TNXB: variants seen among roughly 807,000 people sequenced by gnomAD.
TNXB encodes the protein tenascin-X.
TNXB carries 183 observed loss-of-function variants against 340.5 expected under a neutral mutation model. The ratio of observed to expected loss-of-function variants is 0.54; its 90% CI spans 0.48 to 0.61. The LOEUF (loss-of-function observed/expected upper bound fraction) is 0.61, where lower values mean the gene tolerates loss of function less well. TNXB is among the 20% of genes least tolerant of loss of function. The pLI, the probability that TNXB is intolerant of heterozygous loss-of-function variation, is 0.00. For synonymous variants in TNXB, 2,121 were observed against 2,314.5 expected, an observed-to-expected ratio of 0.92 and a Z score of 2.40; for missense variants, 4,613 against 5,446.4, an observed-to-expected ratio of 0.85 and a Z score of 4.82.
At chr6:32,053,036 G>A (rs982748406) in intron 25 of TNXB, 43 bp from the exon 26 acceptor site, 2 of 1,581,388 alleles carry the variant, frequency 1.3e-6, no homozygotes, top group South Asian at 1.1e-5. Context: ...TTCCCTGGGG[G>A]ATGTCCTTGG....
rs188085259 is a variant in TNXB at position 32,082,970 on chromosome 6, C to T, written c.3446-644G>A. ...CTAGCCTCCATCTTCCCTCTTTGCT[C>T]TCATTCCCAGCCCAGATTCCAGAAA... is the stretch of plus-strand genomic sequence containing the variant. On this transcript the variant is annotated intron_variant, in intron 8 of 43. Transcript: ENST00000644971. This position sits in a 1 kb window ranked among gnomAD's most constrained non-coding sequence, Gnocchi z 5.0. Among the ~76,000 whole-genome samples, 2 of 152,310 alleles carry T rather than the reference C, an allele frequency of 1.3e-5. No homozygotes were observed. The highest frequency in any genetic ancestry group is 3.9e-4 in the East Asian group (2 of 5,182).
In TNXB at chr6:32,083,138, G is replaced by C. The variant is rs1779574002; in HGVS notation, c.3446-812C>G. ...ATTCTGTGGACGCTCCGTAGCCCTT[G>C]AATCACTGTTCCGGAATCTGACAAG... On this transcript the variant is annotated intron_variant, in intron 8 of 43. Coordinates refer to ENST00000644971, the MANE Select transcript of TNXB (RefSeq NM_001365276.2). The surrounding 1 kb of genome is among the most constrained non-coding windows in gnomAD (Gnocchi z 4.6). Among the ~76,000 whole-genome samples the C allele has an allele frequency of 6.6e-6, 1 of 152,124 alleles. No individual in the cohort carries two copies.
chr6:32,058,044 C>T lies in TNXB; in HGVS notation c.7825+14G>A. ...GGGCTGTCTTCCAACCCTGCCCCAC[C>T]CACACTCACTCACCTGTGACGCCCA... On this transcript the variant is annotated intron_variant, in intron 22 of 43. Coordinates refer to ENST00000644971, the MANE Select transcript of TNXB (RefSeq NM_001365276.2). The surrounding 1 kb of genome is among the most constrained non-coding windows in gnomAD (Gnocchi z 5.1). 1.9e-6 allele frequency: 3 copies of T among 1,596,228 alleles called. No individual in the cohort carries two copies. The highest frequency in any genetic ancestry group is 2.6e-6 in the Non-Finnish European group (3 of 1,170,792).
At position 32,089,360 on chromosome 6, in the gene TNXB, G is replaced by T; in HGVS notation, c.2378C>A (p.Pro793Gln). 1 of 1,607,318 alleles carries T rather than the reference G, an allele frequency of 6.2e-7. No individual in the cohort carries two copies. Among genetic ancestry groups the T allele is most frequent in the South Asian group, 1.1e-5 (1 of 89,522 alleles). ...AGAGCTTGGAACCCGTGCTGTGAAT[G>T]GGGGGCTCGCCCCCTCTGTCTGTGA... is the stretch of plus-strand genomic sequence containing the variant. ...FIPTTEGASP[P>Q]FTARVPSSAS... is the part of the protein sequence containing the mutation. Residue 793 changes from proline (P) to glutamine (Q), a missense_variant, in exon 5 of 44, where the codon CCA (proline) becomes CAA (glutamine). Around this residue, in one of 7 missense-constraint regions of TNXB, gnomAD observed 4,327 missense variants for 4,859.4 expected, o/e 0.89. Transcript: ENST00000644971. This position sits in a 1 kb window ranked among gnomAD's most constrained non-coding sequence, Gnocchi z 6.2.
At position 32,065,018 on chromosome 6, in the gene TNXB, G is replaced by A; in HGVS notation, c.6644C>T (p.Thr2215Ile). 1 of 1,610,702 alleles carries A rather than the reference G, an allele frequency of 6.2e-7. No individual in the cohort carries two copies. The highest frequency in any genetic ancestry group is 8.5e-7 in the Non-Finnish European group (1 of 1,178,898). The change falls in exon 19 of 44, where the codon ACA becomes ATA. Residue 2215 changes from threonine (T) to isoleucine (I), a missense_variant. By Grantham distance (89) the Thr-to-Ile change is moderately conservative (BLOSUM62 -1). This residue lies in a region of TNXB where 4,327 missense variants were observed against 4,859.4 expected (regional missense o/e 0.89). Transcript: ENST00000644971. ...ATGGTCAAACTGGCCCTCGGGGACT[G>A]TCCAGGAGAGGCTGAGGGAGTCGGA... is the stretch of plus-strand genomic sequence containing the variant. Reference protein sequence around the residue: ...ITSDSLSLSWTVPEGQFDHFL... With the variant: ...ITSDSLSLSWIVPEGQFDHFL...
At position 32,095,750 on chromosome 6, in the gene TNXB, G is replaced by T; in HGVS notation, c.2103C>A (p.Gly701=). The T allele has an allele frequency of 6.2e-7, 1 of 1,613,874 alleles. No individual in the cohort carries two copies. Among genetic ancestry groups the T allele is most frequent in the Non-Finnish European group, 8.5e-7 (1 of 1,179,844 alleles). The part of the protein sequence containing the change: ...GCGPRELCRA[G]QCVCVEGFRG... ...GGAAGCCCTCTACACACACACACTG[G>T]CCTGCCCGGCACAGTTCCCGGGGCC... The change falls in exon 3 of 44, where the codon GGC becomes GGA. Residue 701 remains glycine (G), a synonymous_variant. Coordinates refer to ENST00000644971, the MANE Select transcript of TNXB (RefSeq NM_001365276.2).
chr6:32,068,023 G>A lies in TNXB; in HGVS notation c.6221-39C>T. ...AGAGAGAGTGAGGGGGATGTCCTTGGGTACTGGGGAAAAGGAGGGAGAAGC... is the reference window on the plus strand; with the variant it reads ...AGAGAGAGTGAGGGGGATGTCCTTGAGTACTGGGGAAAAGGAGGGAGAAGC... On this transcript the variant is annotated intron_variant, in intron 17 of 43. Transcript: ENST00000644971. This position sits in a 1 kb window ranked among gnomAD's most constrained non-coding sequence, Gnocchi z 5.3. The A allele has an allele frequency of 1.3e-6, 2 of 1,594,464 alleles. No individual in the cohort carries two copies. The highest frequency in any genetic ancestry group is 1.7e-6 in the Non-Finnish European group (2 of 1,168,770).
chr6:32,074,021 ATTTATTT>A lies in TNXB; in HGVS notation c.4376-76_4376-70del, dbSNP rs1396024445. The A allele has an allele frequency of 4.3e-5, 58 of 1,334,594 alleles. No individual in the cohort carries two copies. The highest frequency in any genetic ancestry group is 5.1e-5 in the East Asian group (2 of 39,106). 82.7% of individuals were successfully genotyped at this position (1,334,594 alleles called of 1,614,324 possible). ...TTTCTTATAGTAATGATGTCTAGTTATTTATTTTTTATTTTTTATTTTTGAGATGGAG... is the reference window on the plus strand; with the variant it reads ...TTTCTTATAGTAATGATGTCTAGTTATTTATTTTTTATTTTTGAGATGGAG... On this transcript the variant is annotated intron_variant, in intron 11 of 43. Transcript: ENST00000644971. The surrounding 1 kb of genome is among the most constrained non-coding windows in gnomAD (Gnocchi z 5.5).
Position 32,058,289 on chromosome 6 carries a change from C to T in TNXB, c.7594G>A (p.Gly2532Arg). ...EPLLGELTVTGSSPDSLSLSW... is the reference protein window; with the variant it reads ...EPLLGELTVTRSSPDSLSLSW... ...AGGCTCAGCGAGTCAGGGGAGGATCCTGTCACTGTCAGCTCCCCCAGGAGA... is the reference window on the plus strand; with the variant it reads ...AGGCTCAGCGAGTCAGGGGAGGATCTTGTCACTGTCAGCTCCCCCAGGAGA... Residue 2532 changes from glycine (G) to arginine (R), a missense_variant, in exon 22 of 44, where the codon GGA becomes AGA. Coordinates refer to ENST00000644971, the MANE Select transcript of TNXB (RefSeq NM_001365276.2). This position sits in a 1 kb window ranked among gnomAD's most constrained non-coding sequence, Gnocchi z 5.1. 1 of 1,612,370 alleles carries T rather than the reference C, an allele frequency of 6.2e-7. No individual in the cohort carries two copies. The highest frequency in any genetic ancestry group is 1.7e-5 in the Admixed American group (1 of 60,020).
In TNXB at chr6:32,084,345, G is replaced by A; in HGVS notation, c.3445+68C>T. ...AGCCTTCCCGGAGCTCCCAAAGCAG[G>A]TTCCCAAAGCACTGAGAAAACCTCT... On this transcript the variant is annotated intron_variant, in intron 8 of 43. Coordinates refer to ENST00000644971, the MANE Select transcript of TNXB (RefSeq NM_001365276.2). The surrounding 1 kb of genome is among the most constrained non-coding windows in gnomAD (Gnocchi z 5.5). 6.9e-7 allele frequency: 1 copy of A among 1,449,896 alleles called. No homozygotes were observed. 89.8% of individuals were successfully genotyped at this position (1,449,896 alleles called of 1,614,324 possible). A position where few individuals can be genotyped will look rare whatever the true frequency, so the allele number is the denominator to read the frequency against.
intron 4 of TNXB, among the ~76,000 whole-genome samples, chr6:32,094,363 T>C (rs562970430): frequency 6.6e-6 from 1 of 152,106 alleles, no homozygotes; most frequent in Non-Finnish European, 1.5e-5. Flanking sequence ...TGCTAATCTG[T>C]ATTTTCTAAG....
rs943914165 is a variant in TNXB, at chr6:32,083,733, C to T, written c.3445+680G>A. ...GGAGTACAGTGGCACAATCATGGCT[C>T]TCTGCAGCCTCGGTCTCCTGGGCTC... On this transcript the variant is annotated intron_variant, in intron 8 of 43. Coordinates refer to ENST00000644971, the MANE Select transcript of TNXB (RefSeq NM_001365276.2). This position sits in a 1 kb window ranked among gnomAD's most constrained non-coding sequence, Gnocchi z 4.6. 2.0e-5 allele frequency among the ~76,000 whole-genome samples: 3 copies of T among 152,140 alleles called. No individual in the cohort carries two copies. The highest frequency in any genetic ancestry group is 2.9e-5 in the Non-Finnish European group (2 of 68,036).
In TNXB at chr6:32,067,928, C is replaced by G. The variant is rs768829550; in HGVS notation, c.6277G>C (p.Ala2093Pro). ...AGCTCCCCCAGGAGCGGCTCCTCAG[C>G]GGGCTCCGGGGCCTCCATGCTGGGT... The part of the protein sequence containing the change: ...TEPSMEAPEP[A>P]EEPLLGELTV... The change falls in exon 18 of 44, where the codon GCT becomes CCT. Residue 2093 changes from alanine to proline, a missense_variant. Coordinates refer to ENST00000644971, the MANE Select transcript of TNXB (RefSeq NM_001365276.2). This position sits in a 1 kb window ranked among gnomAD's most constrained non-coding sequence, Gnocchi z 4.2. 2.9e-5 allele frequency: 46 copies of G among 1,612,492 alleles called. No homozygotes were observed. The highest frequency in any genetic ancestry group is 2.0e-4 in the East Asian group (9 of 44,856).
Position 32,052,889 on chromosome 6 carries a change from CAG to C in TNXB, c.8894_8895del (p.Pro2965ArgfsTer78). 1 of 1,612,860 alleles carries C rather than the reference CAG, an allele frequency of 6.2e-7. No homozygotes were observed. The highest frequency in any genetic ancestry group is 8.5e-7 in the Non-Finnish European group (1 of 1,179,838). The part of the protein sequence containing the change: ...LGELTVTGSS[P>X]DSLSLSWTIP... ...ATGGTCCAGGAGAGGCTCAGCGAGTCAGGGGAGGATCCTGTCACTGTCAGCTC... is the reference window on the plus strand; with the variant it reads ...ATGGTCCAGGAGAGGCTCAGCGAGTCGGGAGGATCCTGTCACTGTCAGCTC... On this transcript the variant is annotated frameshift_variant, in exon 26 of 44. Coordinates refer to ENST00000644971, the MANE Select transcript of TNXB (RefSeq NM_001365276.2). LOFTEE classifies it high-confidence loss of function. The surrounding 1 kb of genome is among the most constrained non-coding windows in gnomAD (Gnocchi z 4.7).
At chr6:32,071,095 C>T (rs1778744040) in intron 13 of TNXB, among the ~76,000 whole-genome samples, 1 of 152,112 alleles carries the variant, frequency 6.6e-6, no homozygotes, top group African/African-American at 2.4e-5. Context: ...CCTTCCTGGA[C>T]GGTGAGGACG....
At chr6:32,107,733 G>A (rs370620286) in intron 1 of TNXB, among the ~76,000 whole-genome samples, 28 of 152,116 alleles carry the variant, frequency 1.8e-4, no homozygotes, top group East Asian at 1.5e-3. Context: ...CCAAGGGGTG[G>A]GGAGAGGGGC....
At position 32,049,128 on chromosome 6, in the gene TNXB, A is replaced by T; in HGVS notation, c.9757+142T>A. ...ACTCCACACAGTCTCCATGAATCCA[A>T]GGATGAGGCAGGATCATTAGCAACA... On this transcript the variant is annotated intron_variant, in intron 28 of 43. Coordinates refer to ENST00000644971, the MANE Select transcript of TNXB (RefSeq NM_001365276.2). The surrounding 1 kb of genome is among the most constrained non-coding windows in gnomAD (Gnocchi z 4.5). The T allele has an allele frequency of 8.1e-7, 1 of 1,240,780 alleles. No homozygotes were observed. The highest frequency in any genetic ancestry group is 1.1e-6 in the Non-Finnish European group (1 of 921,974). 76.9% of individuals were successfully genotyped at this position (1,240,780 alleles called of 1,614,324 possible).
Position 32,074,578 on chromosome 6 carries a change from T to C in TNXB, c.4376-626A>G, listed in dbSNP as rs1778975916. ...CCCAGACTAGTGTTCGTGCAACGTC[T>C]TCCTTGGAGGCCTACTTGTGTGTCA... is the stretch of plus-strand genomic sequence containing the variant. On this transcript the variant is annotated intron_variant, in intron 11 of 43. Coordinates refer to ENST00000644971, the MANE Select transcript of TNXB (RefSeq NM_001365276.2). This position sits in a 1 kb window ranked among gnomAD's most constrained non-coding sequence, Gnocchi z 5.5. Among the ~76,000 whole-genome samples the C allele has an allele frequency of 1.3e-5, 2 of 152,180 alleles. No homozygotes were observed. The highest frequency in any genetic ancestry group is 4.1e-4 in the South Asian group (2 of 4,822).
In TNXB at chr6:32,084,355, C is replaced by T; in HGVS notation, c.3445+58G>A. The T allele has an allele frequency of 6.8e-7, 1 of 1,479,132 alleles. No homozygotes were observed. The allele number at this position is 1,479,132 out of a possible 1,614,324, so 91.6% of individuals were successfully genotyped here. A position where few individuals can be genotyped will look rare whatever the true frequency, so the allele number is the denominator to read the frequency against. On this transcript the variant is annotated intron_variant, in intron 8 of 43. Transcript: ENST00000644971. The surrounding 1 kb of genome is among the most constrained non-coding windows in gnomAD (Gnocchi z 5.5). ...GAGCTCCCAAAGCAGGTTCCCAAAG[C>T]ACTGAGAAAACCTCTTCAGGGCAGT...
Sources: gnomAD v4.1 joint callset for allele counts (sites outside exome capture counted in the v4.1 genomes callset) on GRCh38, gnomAD v4.1.1 for gene constraint, gnomAD v4.1.1 regional missense constraint, Gnocchi (gnomAD v3.1) non-coding constraint, MANE v1.5 for transcripts, NCBI Gene and HGNC (gene_info 2026-07-23, HGNC 2026-07-21) for gene names.